Variants in TRIM4 observed in about 807,000 individuals in gnomAD.
The protein encoded by TRIM4 is tripartite motif containing 4.
In TRIM4, 29 loss-of-function variants were observed where a neutral mutation model predicts 33.7. That is an observed-to-expected ratio of 0.86 (90% CI 0.64 to 1.17). The LOEUF (loss-of-function observed/expected upper bound fraction) is 1.17, where lower values mean the gene tolerates loss of function less well. Ranked by LOEUF, TRIM4 falls within the 50% of genes most tolerant of loss-of-function variation. The probability of loss-of-function intolerance (pLI) is 0.00; values close to 1 mark genes in which losing one functional copy is unlikely to be tolerated. For missense variants in TRIM4, 554 were observed against 593.7 expected, an observed-to-expected ratio of 0.93 and a Z score of 0.69; for synonymous variants, 224 against 233.0, an observed-to-expected ratio of 0.96 and a Z score of 0.35.
At chr7:99,895,608 C>T (rs1044594980) in intron 5 of TRIM4, among the ~76,000 whole-genome samples, 2 of 152,130 alleles carry the variant, frequency 1.3e-5, no homozygotes, top group Non-Finnish European at 1.5e-5. Flanking sequence ...TGATTTATTG[C>T]CTAATTATTC....
At chr7:99,911,415 G>A (rs1019419620) in intron 1 of TRIM4, among the ~76,000 whole-genome samples, 4 of 151,776 alleles carry the variant, frequency 2.6e-5, no homozygotes, top group African/African-American at 7.3e-5. Flanking sequence ...GGTGGCCTGG[G>A]CAACTTTCTG....
intron 5 of TRIM4, among the ~76,000 whole-genome samples, chr7:99,894,436 C>A (rs1156586059): frequency 6.6e-6 from 1 of 152,088 alleles, no homozygotes; most frequent in Non-Finnish European, 1.5e-5. Context: ...GAGGCCAAGG[C>A]AGTGGATTAC....
At chr7:99,902,778 C>T (rs1407301924) in intron 5 of TRIM4, among the ~76,000 whole-genome samples, 1 of 150,962 alleles carries the variant, frequency 6.6e-6, no homozygotes, top group African/African-American at 2.4e-5. Context: ...GCTGCTGCTT[C>T]TGCTTGAAAC....
intron 5 of TRIM4, among the ~76,000 whole-genome samples, chr7:99,898,398 G>C (rs753982737): frequency 6.6e-6 from 1 of 152,198 alleles, no homozygotes; most frequent in Non-Finnish European, 1.5e-5. Flanking sequence ...CCTTCAAATA[G>C]CCAATAATAT....
At position 99,892,199 on chromosome 7, in the gene TRIM4, T is replaced by C; in HGVS notation, c.1389A>G (p.Ala463=). ...CAGTCACTGGTGGAATGACTAAAGA[T>C]GCTAATGGACTCAACCAAAAAAATG... is the stretch of plus-strand genomic sequence containing the variant. The part of the protein sequence containing the change: ...LRPFFWLSPL[A]SLVIPPVTDR... Residue 463 remains alanine, a synonymous_variant, in exon 6 of 6, where the codon GCA becomes GCG. Transcript: ENST00000349062. 1 of 1,613,272 alleles carries C rather than the reference T, an allele frequency of 6.2e-7. No homozygotes were observed. The highest frequency in any genetic ancestry group is 2.2e-5 in the East Asian group (1 of 44,878).
intron 1 of TRIM4, among the ~76,000 whole-genome samples, chr7:99,913,078 T>G (rs1335747546): frequency 2.0e-5 from 3 of 152,220 alleles, no homozygotes; most frequent in Admixed American, 6.5e-5. Context: ...TTGAAAGTTT[T>G]CACTTTGCTT....
At chr7:99,905,129 G>C (rs1003253734) in intron 3 of TRIM4, among the ~76,000 whole-genome samples, 3 of 152,162 alleles carry the variant, frequency 2.0e-5, no homozygotes, top group South Asian at 2.1e-4. Context: ...GAAGAGGGAA[G>C]GGGTGCTGAC....
At chr7:99,909,694 C>A in intron 1 of TRIM4, 34 bp from the exon 2 acceptor site, 7 of 1,288,394 alleles carry the variant, frequency 5.4e-6, no homozygotes, top group Non-Finnish European at 7.7e-6. Flanking sequence ...TAAGAAAACA[C>A]ATCTCCAACC....
At chr7:99,905,090 C>T (rs1295732598) in intron 3 of TRIM4, among the ~76,000 whole-genome samples, 3 of 149,662 alleles carry the variant, frequency 2.0e-5, no homozygotes, top group Non-Finnish European at 3.0e-5. Flanking sequence ...GGTGTACATA[C>T]ATATATATAT....
chr7:99,892,160 G>C lies in TRIM4; in HGVS notation c.*3C>G, dbSNP rs1223857530. On this transcript the variant is annotated 3_prime_UTR_variant, in exon 6 of 6. Transcript: ENST00000349062. ...AGGAGTTTTGGTCAGGGGAAGAAAAGCCTCATTTCCTATCAGTCACTGGTG... is the reference window on the plus strand; with the variant it reads ...AGGAGTTTTGGTCAGGGGAAGAAAACCCTCATTTCCTATCAGTCACTGGTG... 2 of 1,597,014 alleles carry C rather than the reference G, an allele frequency of 1.3e-6. No homozygotes were observed. Among genetic ancestry groups the C allele is most frequent in the Non-Finnish European group, 1.7e-6 (2 of 1,172,608 alleles).
At chr7:99,913,264 C>A (rs1472627402) in intron 1 of TRIM4, among the ~76,000 whole-genome samples, 2 of 152,144 alleles carry the variant, frequency 1.3e-5, no homozygotes, top group Non-Finnish European at 1.5e-5. Flanking sequence ...ACTTGACAGC[C>A]TTGGTGGAAG....
At chr7:99,908,905 T>C in intron 2 of TRIM4, 93 bp from the exon 3 acceptor site, 2 of 1,219,308 alleles carry the variant, frequency 1.6e-6, no homozygotes, top group Non-Finnish European at 1.1e-6. Flanking sequence ...CAGTCAATCC[T>C]AATCAAACCC....
intron 5 of TRIM4, among the ~76,000 whole-genome samples, chr7:99,896,853 A>G (rs1387146045): frequency 1.3e-5 from 2 of 152,262 alleles, no homozygotes. Context: ...CAACTAAGGG[A>G]AAGTCAAATG....
intron 5 of TRIM4, among the ~76,000 whole-genome samples, chr7:99,894,224 T>C (rs1468293889): frequency 1.3e-5 from 2 of 152,216 alleles, no homozygotes; most frequent in East Asian, 3.8e-4. Flanking sequence ...TCTTTTCTCT[T>C]GTGACGTCTT....
intron 1 of TRIM4, 48 bp downstream of exon 1, chr7:99,918,961 C>T (rs1819623832): frequency 3.9e-6 from 6 of 1,540,556 alleles, no homozygotes; most frequent in Non-Finnish European, 5.2e-6. Flanking sequence ...TAAACTTTAT[C>T]GGGCAACACT....
chr7:99,896,010 T>C (rs1819008729), intron 5 of TRIM4, among the ~76,000 whole-genome samples: 1 of 152,162 alleles, frequency 6.6e-6, no homozygotes, highest in Admixed American at 6.5e-5. Flanking sequence ...AGACCATTTA[T>C]AGTTAATGTG....
chr7:99,903,104 T>A, intron 5 of TRIM4, 114 bp downstream of exon 5: 1 of 767,796 alleles, frequency 1.3e-6, no homozygotes, highest in East Asian at 2.5e-5. Context: ...TTAACCACCT[T>A]TCCTGACACT....
At chr7:99,906,994 C>A (rs1013459271) in intron 3 of TRIM4, among the ~76,000 whole-genome samples, 1 of 152,112 alleles carries the variant, frequency 6.6e-6, no homozygotes, top group Non-Finnish European at 1.5e-5. Context: ...GGAAGATGTA[C>A]ATTAGAAGTG....
chr7:99,913,496 G>A (rs1433094228), intron 1 of TRIM4, among the ~76,000 whole-genome samples: 5 of 151,838 alleles, frequency 3.3e-5, no homozygotes, highest in Admixed American at 1.3e-4. Context: ...GTGAAACCCC[G>A]TCTTTACTAA....
Sources: allele counts gnomAD v4.1 joint callset (sites outside exome capture counted in the v4.1 genomes callset), GRCh38; gene constraint gnomAD v4.1.1; transcripts MANE v1.5; gene names NCBI Gene and HGNC (gene_info 2026-07-23, HGNC 2026-07-21).